The following ROBO1 variants were observed in gnomAD, a reference collection of about 807,000 sequenced individuals.
The protein encoded by ROBO1 is roundabout homolog 1.
In ROBO1, 149 loss-of-function variants were observed where a neutral mutation model predicts 195.9. The ratio of observed to expected loss-of-function variants is 0.76; its 90% CI spans 0.67 to 0.87. The LOEUF (loss-of-function observed/expected upper bound fraction) is 0.87. ROBO1 is among the 40% of genes least tolerant of loss of function. The pLI is 0.00. For missense variants in ROBO1, 1,933 were observed against 2,068.3 expected (o/e 0.93, Z 1.27); for synonymous variants, 816 against 733.2 (o/e 1.11, Z -1.82).
chr3:79,574,357 C>T (rs1031500637), intron 2 of ROBO1, among the ~76,000 whole-genome samples: 10 of 151,870 alleles, frequency 6.6e-5, no homozygotes, highest in African/African-American at 2.4e-4. Context: ...AACCCTTTTC[C>T]TAGCTTTTAT....
At chr3:79,184,672 G>T (rs1456820414) in intron 2 of ROBO1, among the ~76,000 whole-genome samples, 2 of 152,082 alleles carry the variant, frequency 1.3e-5, no homozygotes, top group African/African-American at 4.8e-5. Context: ...AGGATTTTGT[G>T]CTCAAGTTGT....
Position 78,711,784 on chromosome 3 carries a change from C to T in ROBO1, c.1045+2613G>A, listed in dbSNP as rs566509212. On this transcript the variant is annotated intron_variant, in intron 8 of 30. Coordinates refer to ENST00000464233, the MANE Select transcript of ROBO1 (RefSeq NM_002941.4). ...GATTACAGGCATGAGCCACCACGCC[C>T]GGCCCCCTGTGCTGTTTCTACCATT... Among the ~76,000 whole-genome samples, 4 of 151,038 alleles carry T rather than the reference C, an allele frequency of 2.6e-5. No homozygotes were observed. The South Asian group carries it at 8.4e-4, about 32-fold the overall frequency.
chr3:79,739,318 G>GA (rs140617094), intron 1 of ROBO1, among the ~76,000 whole-genome samples: 1,865 of 152,162 alleles, frequency 0.012, 30 homozygotes, highest in African/African-American at 0.042. Flanking sequence ...ATGATATCTG[G>GA]AAAATGTTTA....
At chr3:79,681,927 T>C (rs1946961350) in intron 1 of ROBO1, among the ~76,000 whole-genome samples, 1 of 152,058 alleles carries the variant, frequency 6.6e-6, no homozygotes, top group Non-Finnish European at 1.5e-5. Flanking sequence ...CAATCGTTTA[T>C]CATATTATTT....
chr3:78,943,649 TC>T (rs1350764427), intron 3 of ROBO1, among the ~76,000 whole-genome samples: 1 of 152,202 alleles, frequency 6.6e-6, no homozygotes, highest in East Asian at 1.9e-4. Flanking sequence ...ATGTAGCATT[TC>T]CCAACTTATT....
At chr3:79,265,436 A>G (rs951341127) in intron 2 of ROBO1, among the ~76,000 whole-genome samples, 3 of 151,662 alleles carry the variant, frequency 2.0e-5, no homozygotes, top group Non-Finnish European at 4.4e-5. Flanking sequence ...ATGAAACACA[A>G]TTATACAATA....
intron 3 of ROBO1, among the ~76,000 whole-genome samples, chr3:79,034,391 G>A: frequency 6.6e-6 from 1 of 152,284 alleles, no homozygotes; most frequent in African/African-American, 2.4e-5. Context: ...AGGTCTGCCT[G>A]ACTTCTGGTG....
chr3:79,728,163 G>C (rs1702999411), intron 1 of ROBO1, among the ~76,000 whole-genome samples: 1 of 151,136 alleles, frequency 6.6e-6, no homozygotes, highest in African/African-American at 2.4e-5. Flanking sequence ...ATTTTTTTTA[G>C]TTAACTCATA....
chr3:79,746,440 C>T (rs1424527240), intron 1 of ROBO1, among the ~76,000 whole-genome samples: 4 of 152,082 alleles, frequency 2.6e-5, no homozygotes, highest in Non-Finnish European at 4.4e-5. Context: ...TTTACAATTC[C>T]TATTCTAATT....
intron 3 of ROBO1, among the ~76,000 whole-genome samples, chr3:79,017,488 T>TGTGTGTGA (rs1175552705): frequency 6.6e-6 from 1 of 151,424 alleles, no homozygotes; most frequent in Non-Finnish European, 1.5e-5. Flanking sequence ...TGTGTGTGTG[T>TGTGTGTGA]GTGTGTTTTA....
At chr3:78,861,824 A>C (rs2034859795) in intron 4 of ROBO1, among the ~76,000 whole-genome samples, 1 of 152,158 alleles carries the variant, frequency 6.6e-6, no homozygotes, top group Admixed American at 6.5e-5. Flanking sequence ...CCCCAAATAG[A>C]CTGTAAGTTT....
At chr3:79,624,705 C>G (rs1237718860) in intron 1 of ROBO1, among the ~76,000 whole-genome samples, 2 of 152,062 alleles carry the variant, frequency 1.3e-5, no homozygotes, top group African/African-American at 4.8e-5. Context: ...AAAACAAGTT[C>G]TTAGAGACCT....
At chr3:79,687,203 T>G (rs971370436) in intron 1 of ROBO1, among the ~76,000 whole-genome samples, 2 of 152,154 alleles carry the variant, frequency 1.3e-5, no homozygotes, top group African/African-American at 4.8e-5. Flanking sequence ...TTACACCTTA[T>G]ACAAAAATAA....
chr3:79,729,553 A>G (rs75043175), intron 1 of ROBO1, among the ~76,000 whole-genome samples: 1,947 of 152,278 alleles, frequency 0.013, 35 homozygotes, highest in African/African-American at 0.043. Context: ...TTTCAGTAAA[A>G]TTAGAGCAAA....
At chr3:79,739,542 A>G (rs1703535320) in intron 1 of ROBO1, among the ~76,000 whole-genome samples, 1 of 152,140 alleles carries the variant, frequency 6.6e-6, no homozygotes, top group African/African-American at 2.4e-5. Context: ...CATATATTAC[A>G]TTACCACAAA....
chr3:79,683,521 C>T (rs553626558), intron 1 of ROBO1, among the ~76,000 whole-genome samples: 2 of 152,100 alleles, frequency 1.3e-5, no homozygotes, highest in African/African-American at 4.8e-5. Context: ...AGCTATGTAA[C>T]CATCACCTTG....
intron 1 of ROBO1, among the ~76,000 whole-genome samples, chr3:79,605,246 C>CTTTTTTT (rs10659867): frequency 0.015 from 2,248 of 147,904 alleles, 54 homozygotes; most frequent in African/African-American, 0.053. Flanking sequence ...TTCCGTATTA[C>CTTTTTTT]TTTTTTTTTT....
intron 2 of ROBO1, among the ~76,000 whole-genome samples, chr3:79,575,738 A>T (rs1668458446): frequency 1.3e-5 from 2 of 151,338 alleles, no homozygotes; most frequent in Admixed American, 1.3e-4. Flanking sequence ...GTACTAGATT[A>T]TTTTTGTGAC....
intron 4 of ROBO1, among the ~76,000 whole-genome samples, chr3:78,871,815 A>C (rs1041692925): frequency 3.9e-5 from 6 of 152,014 alleles, no homozygotes; most frequent in Non-Finnish European, 8.8e-5. Flanking sequence ...ACTAATGAAA[A>C]ATTTTGGTCT....
Sources: gnomAD v4.1 joint callset for allele counts (sites outside exome capture counted in the v4.1 genomes callset) on GRCh38, gnomAD v4.1.1 for gene constraint, MANE v1.5 for transcripts, NCBI Gene and HGNC (gene_info 2026-07-23, HGNC 2026-07-21) for gene names.